The following NDRG1 variants were observed in gnomAD, a reference collection of about 807,000 sequenced individuals.
NDRG1 encodes N-myc downstream regulated 1, also known as protein NDRG1.
In NDRG1, 32 loss-of-function variants were observed where a neutral mutation model predicts 56.9. The observed-to-expected ratio is 0.56, with a 90% CI of 0.42 to 0.76. The LOEUF (loss-of-function observed/expected upper bound fraction) is 0.76. Ranked by LOEUF, NDRG1 falls within the 30% of genes least tolerant of loss-of-function variation. NDRG1 has a pLI of 0.00. For synonymous variants in NDRG1, 211 were observed against 204.1 expected, an observed-to-expected ratio of 1.03 and a Z score of -0.29; for missense variants, 507 against 545.7, an observed-to-expected ratio of 0.93 and a Z score of 0.71.
At position 133,238,063 on chromosome 8, in the gene NDRG1, C is replaced by A. The variant is rs1855157720; in HGVS notation, c.*815G>T. On this transcript the variant is annotated 3_prime_UTR_variant, in exon 16 of 16. Coordinates refer to ENST00000323851, the MANE Select transcript of NDRG1 (RefSeq NM_006096.4). ...CCCTGAACAAGAATAATCACTGGCT[C>A]ATGTATCAGGGGTGGGAGGTTGGGG... The A allele has an allele frequency of 4.3e-6, 1 of 233,090 alleles. No homozygotes were observed. The highest frequency in any genetic ancestry group is 8.5e-6 in the Non-Finnish European group (1 of 117,944). 14.4% of individuals were successfully genotyped at this position (233,090 alleles called of 1,614,324 possible). A position where few individuals can be genotyped will look rare whatever the true frequency, so the allele number is the denominator to read the frequency against.
Position 133,254,727 on chromosome 8 carries a change from C to G in NDRG1, c.538-132G>C, listed in dbSNP as rs2272650. Reference sequence around the variant, plus strand: ...CCCTACATGCAGGCCTCAAGGACATCCCCCTTGATAGAAACTCAGTTCCTG... The same window carrying G: ...CCCTACATGCAGGCCTCAAGGACATGCCCCTTGATAGAAACTCAGTTCCTG... On this transcript the variant is annotated intron_variant, in intron 8 of 15. Transcript: ENST00000323851. 0.43 allele frequency: 360,764 copies of G among 845,584 alleles called. 79,638 individuals carry two copies. The highest frequency in any genetic ancestry group is 0.5 in the Middle Eastern group (2,100 of 4,164). The allele number at this position is 845,584 out of a possible 1,614,324, so 52.4% of individuals were successfully genotyped here. A position where few individuals can be genotyped will look rare whatever the true frequency, so the allele number is the denominator to read the frequency against.
intron 1 of NDRG1, among the ~76,000 whole-genome samples, chr8:133,294,639 C>G (rs1858630941): frequency 6.6e-6 from 1 of 151,312 alleles, no homozygotes; most frequent in African/African-American, 2.5e-5. Context: ...CCCAGGGGGG[C>G]CCTCAGCTCA....
At position 133,237,461 on chromosome 8, in the gene NDRG1, T is replaced by C. The variant is rs1417952440; in HGVS notation, c.*1417A>G. 1 of 232,652 alleles carries C rather than the reference T, an allele frequency of 4.3e-6. No individual in the cohort carries two copies. The highest frequency in any genetic ancestry group is 8.5e-6 in the Non-Finnish European group (1 of 117,746). 14.4% of individuals were successfully genotyped at this position (232,652 alleles called of 1,614,324 possible). On this transcript the variant is annotated 3_prime_UTR_variant, in exon 16 of 16. Coordinates refer to ENST00000323851, the MANE Select transcript of NDRG1 (RefSeq NM_006096.4). ...CTGACTTACAATATTCAATTCACTCTGACCAAACTTCCTATGAGAAAATCC... is the reference window on the plus strand; with the variant it reads ...CTGACTTACAATATTCAATTCACTCCGACCAAACTTCCTATGAGAAAATCC...
chr8:133,280,144 A>C lies in NDRG1; in HGVS notation c.99+88T>G, dbSNP rs573099299. On this transcript the variant is annotated intron_variant, in intron 3 of 15. Transcript: ENST00000323851. Reference sequence around the variant, plus strand: ...CTCTCCCCTTGCCCGCAATGTTTGCACAATGATCTACTTAAACCAATGGAA... The same window carrying C: ...CTCTCCCCTTGCCCGCAATGTTTGCCCAATGATCTACTTAAACCAATGGAA... 15 of 1,514,182 alleles carry C rather than the reference A, an allele frequency of 9.9e-6. 1 individual carries two copies. The East Asian group carries it at 1.8e-4, about 18-fold the overall frequency. 93.8% of individuals were successfully genotyped at this position (1,514,182 alleles called of 1,614,324 possible).
At chr8:133,290,893 G>A (rs1382144958) in intron 1 of NDRG1, among the ~76,000 whole-genome samples, 1 of 152,198 alleles carries the variant, frequency 6.6e-6, no homozygotes, top group Admixed American at 6.5e-5. Context: ...GTTGCCCCGG[G>A]AGAGGCTGGG....
chr8:133,282,603 T>C (rs570126579), intron 2 of NDRG1, among the ~76,000 whole-genome samples: 1 of 152,194 alleles, frequency 6.6e-6, no homozygotes, highest in African/African-American at 2.4e-5. Flanking sequence ...AGACCCAGAG[T>C]TTAGAGGACA....
At chr8:133,264,016 A>C (rs1254958049) in intron 4 of NDRG1, among the ~76,000 whole-genome samples, 1 of 152,212 alleles carries the variant, frequency 6.6e-6, no homozygotes, top group African/African-American at 2.4e-5. Context: ...GGAATAAAGG[A>C]AATACAAATA....
In NDRG1 at chr8:133,247,894, G is replaced by C; in HGVS notation, c.788C>G (p.Ser263Trp). ...CPALLVVGDS[S>W]PAVDAVVECN... The stretch of plus-strand genomic sequence containing the variant: ...ACATACCACGGCATCCACTGCAGGC[G>C]AGCTGTCCCCAACCACCAACAGAGC... The change falls in exon 12 of 16, where the codon TCG becomes TGG. Residue 263 changes from serine to tryptophan, a missense_variant. By Grantham distance (177) the Ser-to-Trp change is radical. Transcript: ENST00000323851. 2 of 1,614,086 alleles carry C rather than the reference G, an allele frequency of 1.2e-6. No individual in the cohort carries two copies. The highest frequency in any genetic ancestry group is 8.5e-7 in the Non-Finnish European group (1 of 1,180,038).
chr8:133,263,643 C>T (rs1418194883), intron 4 of NDRG1, among the ~76,000 whole-genome samples: 3 of 152,184 alleles, frequency 2.0e-5, no homozygotes, highest in Non-Finnish European at 4.4e-5. Flanking sequence ...TGGCCGGGCC[C>T]AATGGCTCAT....
intron 2 of NDRG1, among the ~76,000 whole-genome samples, 186 bp from the exon 3 acceptor site, chr8:133,280,453 T>C (rs1200915009): frequency 2.7e-5 from 4 of 150,448 alleles, no homozygotes; most frequent in Admixed American, 2.0e-4. Context: ...AGACGGAGTC[T>C]TGCTCTGTCG....
At chr8:133,250,207 C>T (rs536570405) in intron 10 of NDRG1, among the ~76,000 whole-genome samples, 1 of 152,286 alleles carries the variant, frequency 6.6e-6, no homozygotes, top group African/African-American at 2.4e-5. Context: ...CGTCTGCACC[C>T]CCAGTGGTCT....
intron 6 of NDRG1, among the ~76,000 whole-genome samples, 177 bp from the exon 7 acceptor site, chr8:133,258,603 C>T (rs1240282812): frequency 2.0e-5 from 3 of 152,224 alleles, no homozygotes; most frequent in Non-Finnish European, 4.4e-5. Flanking sequence ...AGACCTCGAC[C>T]TTGGAGAGCC....
At chr8:133,284,153 G>A in intron 2 of NDRG1, 96 bp downstream of exon 2, 2 of 1,134,494 alleles carry the variant, frequency 1.8e-6, no homozygotes, top group Non-Finnish European at 2.7e-6. Context: ...TGCAGTGTTT[G>A]CATGCCCATA....
intron 1 of NDRG1, among the ~76,000 whole-genome samples, chr8:133,293,521 T>A (rs1016734213): frequency 2.6e-5 from 4 of 152,190 alleles, no homozygotes; most frequent in African/African-American, 9.7e-5. Flanking sequence ...AAAGAATGTC[T>A]TCTACCTCAG....
chr8:133,244,972 G>A lies in NDRG1; in HGVS notation c.856-582C>T, dbSNP rs149416854. ...CAGCCTGGAAATGGGCAGCGCTGAC[G>A]GCAAGGGAGCAGGGGGAGGCTGCGG... On this transcript the variant is annotated intron_variant, in intron 13 of 15. Transcript: ENST00000323851. 8.7e-4 allele frequency among the ~76,000 whole-genome samples: 133 copies of A among 152,280 alleles called. 3 individuals carry two copies. In the East Asian group the frequency reaches 0.02, roughly 23 times the overall value.
At chr8:133,249,070 C>T (rs1443304360) in intron 10 of NDRG1, among the ~76,000 whole-genome samples, 3 of 152,130 alleles carry the variant, frequency 2.0e-5, no homozygotes, top group East Asian at 1.9e-4. Context: ...AGAGGGTCCC[C>T]GCCTTCCCTG....
At chr8:133,251,507 A>G (rs1044154241) in intron 9 of NDRG1, among the ~76,000 whole-genome samples, 3 of 152,226 alleles carry the variant, frequency 2.0e-5, no homozygotes, top group Admixed American at 1.3e-4. Flanking sequence ...CGGACCAACC[A>G]GTCTCCAAAT....
At chr8:133,284,199 C>G (rs2130794754) in intron 2 of NDRG1, 50 bp downstream of exon 2, 1 of 1,566,634 alleles carries the variant, frequency 6.4e-7, no homozygotes, top group South Asian at 1.1e-5. Context: ...CTGTGTGTGT[C>G]TATGTGCACA....
At chr8:133,254,667 C>G in intron 8 of NDRG1, 72 bp from the exon 9 acceptor site, 1 of 1,497,700 alleles carries the variant, frequency 6.7e-7, no homozygotes, top group Non-Finnish European at 9.2e-7. Context: ...CAAAACCCCA[C>G]TTCCCTGGGT....
Sources: gnomAD v4.1 joint callset for allele counts (sites outside exome capture counted in the v4.1 genomes callset) on GRCh38, gnomAD v4.1.1 for gene constraint, MANE v1.5 for transcripts, NCBI Gene and HGNC (gene_info 2026-07-23, HGNC 2026-07-21) for gene names.